The following ERLEC1 variants were observed in gnomAD, a reference collection of about 807,000 sequenced individuals.
The protein encoded by ERLEC1 is endoplasmic reticulum lectin 1, also known as ER lectin.
A neutral mutation model predicts 68.0 loss-of-function variants in ERLEC1; 47 were observed. The ratio of observed to expected loss-of-function variants is 0.69; its 90% CI spans 0.55 to 0.88. The LOEUF (loss-of-function observed/expected upper bound fraction) is 0.88, where lower values mean the gene tolerates loss of function less well. Among genes scored for constraint, ERLEC1 ranks in the 40% least tolerant of loss-of-function variants. The pLI is 0.00. For synonymous variants in ERLEC1, 225 were observed against 203.2 expected (o/e 1.11, Z -0.91); for missense variants, 567 against 583.8 (o/e 0.97, Z 0.30).
At chr2:53,798,973 G>A (rs1304800268) in intron 5 of ERLEC1, 74 bp from the exon 6 acceptor site, 1 of 1,289,728 alleles carries the variant, frequency 7.8e-7, no homozygotes, top group South Asian at 1.3e-5. Flanking sequence ...AGGTTACAAA[G>A]GTGGTTGAAA....
At chr2:53,795,423 C>G (rs140339624) in intron 2 of ERLEC1, among the ~76,000 whole-genome samples, 21 of 152,174 alleles carry the variant, frequency 1.4e-4, no homozygotes, top group African/African-American at 5.1e-4. Context: ...AAATCAAAGA[C>G]CACTGTTTTA....
At chr2:53,815,953 C>T (rs1676853970) in intron 13 of ERLEC1, among the ~76,000 whole-genome samples, 1 of 152,202 alleles carries the variant, frequency 6.6e-6, no homozygotes, top group South Asian at 2.1e-4. Flanking sequence ...TTGTATTGCA[C>T]ATATTTTTTT....
chr2:53,792,188 A>T (rs1675443772), intron 1 of ERLEC1, among the ~76,000 whole-genome samples: 1 of 146,634 alleles, frequency 6.8e-6, no homozygotes, highest in African/African-American at 2.5e-5. Context: ...AAGTGCTGGG[A>T]TTACCGGCGT....
intron 1 of ERLEC1, among the ~76,000 whole-genome samples, chr2:53,791,905 TTAAAAAA>T (rs1243618256): frequency 5.7e-5 from 7 of 123,368 alleles, no homozygotes; most frequent in Middle Eastern, 3.8e-3. Context: ...TAATGCTCTT[TTAAAAAA>T]AAAAAAAAAA....
Position 53,787,116 on chromosome 2 carries a change from A to T in ERLEC1, c.-95A>T. On this transcript the variant is annotated 5_prime_UTR_variant, in exon 1 of 14. Coordinates refer to ENST00000185150, the MANE Select transcript of ERLEC1 (RefSeq NM_015701.5). ...GGCCGGTGATACCCGGGCGCTTTAT[A>T]GTCCCGCCGCCTCCTCCTCCACCTC... The T allele has an allele frequency of 7.3e-7, 1 of 1,361,242 alleles. No homozygotes were observed. Among genetic ancestry groups the T allele is most frequent in the Non-Finnish European group, 9.6e-7 (1 of 1,043,178 alleles). 84.3% of individuals were successfully genotyped at this position (1,361,242 alleles called of 1,614,324 possible).
At chr2:53,804,401 G>A (rs1676169686) in intron 8 of ERLEC1, among the ~76,000 whole-genome samples, 1 of 152,056 alleles carries the variant, frequency 6.6e-6, no homozygotes, top group African/African-American at 2.4e-5. Flanking sequence ...GGCCTCCTGA[G>A]TAGCTGGGAC....
Position 53,801,485 on chromosome 2 carries a change from G to T in ERLEC1, c.614G>T (p.Arg205Leu), listed in dbSNP as rs553192474. ...NGTPCSLKQN[R>L]PRSSTVMYIC... ...ACACCTTGTAGTTTGAAACAGAACC[G>T]GCCCAGATCAAGTACTGTGATGTAC... is the stretch of plus-strand genomic sequence containing the variant. The change falls in exon 7 of 14, where the codon CGG becomes CTG. Residue 205 changes from arginine to leucine, a missense_variant. Physicochemically the swap from Arg to Leu is moderately radical, Grantham distance 102. Transcript: ENST00000185150. 1.4e-5 allele frequency: 22 copies of T among 1,613,768 alleles called. No homozygotes were observed. The highest frequency in any genetic ancestry group is 1.7e-5 in the Non-Finnish European group (20 of 1,179,946).
rs1283806698 is a variant in ERLEC1, at chr2:53,797,593, G to A, written c.426+1G>A. ...CCATGAAGAGAAAGAAACTGGTCAG[G>A]TGTGTTTTTCTTCAAAATATTATTA... On this transcript the variant is annotated splice_donor_variant, in intron 4 of 13. Coordinates refer to ENST00000185150, the MANE Select transcript of ERLEC1 (RefSeq NM_015701.5). LOFTEE classifies it high-confidence loss of function. 6.2e-7 allele frequency: 1 copy of A among 1,608,818 alleles called. No individual in the cohort carries two copies. The highest frequency in any genetic ancestry group is 1.1e-5 in the South Asian group (1 of 89,404).
rs139030831 is a variant in ERLEC1 at position 53,811,974 on chromosome 2, A to G, written c.1102-975A>G. Among the ~76,000 whole-genome samples, 1,241 of 152,120 alleles carry G rather than the reference A, an allele frequency of 8.2e-3. 16 individuals are homozygous for G. The highest frequency in any genetic ancestry group is 0.026 in the African/African-American group (1,073 of 41,500). On this transcript the variant is annotated intron_variant, in intron 10 of 13. Transcript: ENST00000185150. Reference sequence around the variant, plus strand: ...CTCTTATTGCTCAGGCTGGAGTGCAATGGCGCAATCTTGGCTCACTGCAAC... The same window carrying G: ...CTCTTATTGCTCAGGCTGGAGTGCAGTGGCGCAATCTTGGCTCACTGCAAC...
At chr2:53,791,229 C>T (rs1675375993) in intron 1 of ERLEC1, among the ~76,000 whole-genome samples, 1 of 152,212 alleles carries the variant, frequency 6.6e-6, no homozygotes, top group Non-Finnish European at 1.5e-5. Flanking sequence ...TAAAGTACCC[C>T]AGCACCTCTG....
chr2:53,810,305 A>T (rs2104329845), intron 10 of ERLEC1, among the ~76,000 whole-genome samples: 1 of 152,278 alleles, frequency 6.6e-6, no homozygotes, highest in Admixed American at 6.5e-5. Context: ...CCCCATCTCT[A>T]CAAAAAATTT....
At chr2:53,816,377 C>A (rs1359978352) in intron 13 of ERLEC1, among the ~76,000 whole-genome samples, 2 of 151,148 alleles carry the variant, frequency 1.3e-5, no homozygotes, top group Non-Finnish European at 2.9e-5. Flanking sequence ...AGCGATTGTC[C>A]TGCCTCAGCC....
At chr2:53,804,568 G>C (rs767955258) in intron 8 of ERLEC1, among the ~76,000 whole-genome samples, 1 of 152,078 alleles carries the variant, frequency 6.6e-6, no homozygotes, top group Non-Finnish European at 1.5e-5. Flanking sequence ...GAGCCACCAC[G>C]TGTGGCCGGG....
intron 1 of ERLEC1, among the ~76,000 whole-genome samples, chr2:53,789,194 G>A (rs920634772): frequency 6.6e-6 from 1 of 151,930 alleles, no homozygotes; most frequent in Non-Finnish European, 1.5e-5. Context: ...AGGAATTCAA[G>A]ACAAGCCTGA....
At chr2:53,814,985 A>AT (rs747443760) in intron 13 of ERLEC1, 50 bp downstream of exon 13, 603 of 966,534 alleles carry the variant, frequency 6.2e-4, no homozygotes, top group South Asian at 2.1e-3. Context: ...CCATGTTTTA[A>AT]TTTTTTTTTC....
At chr2:53,812,916 C>G (rs1193844170) in intron 10 of ERLEC1, 33 bp from the exon 11 acceptor site, 1 of 1,596,452 alleles carries the variant, frequency 6.3e-7, no homozygotes, top group Non-Finnish European at 8.5e-7. Context: ...TGATATCAAG[C>G]ACGCATTATC....
chr2:53,799,242 T>G (rs1675880565), intron 6 of ERLEC1, among the ~76,000 whole-genome samples, 161 bp downstream of exon 6: 1 of 152,208 alleles, frequency 6.6e-6, no homozygotes, highest in Non-Finnish European at 1.5e-5. Context: ...TATTCCTTTT[T>G]TCCGAGAAAA....
chr2:53,813,880 C>A (rs1447037577), intron 11 of ERLEC1, among the ~76,000 whole-genome samples: 1 of 151,840 alleles, frequency 6.6e-6, no homozygotes, highest in Middle Eastern at 3.2e-3. Flanking sequence ...TGCTGGTGTG[C>A]TGCACCCATT....
chr2:53,804,335 G>T (rs565468102), intron 8 of ERLEC1, among the ~76,000 whole-genome samples: 106 of 151,986 alleles, frequency 7.0e-4, no homozygotes, highest in Admixed American at 3.5e-3. Context: ...TCACTGTGGC[G>T]CAATCTTGGC....
Sources: gnomAD v4.1 joint callset for allele counts (sites outside exome capture counted in the v4.1 genomes callset) on GRCh38, gnomAD v4.1.1 for gene constraint, MANE v1.5 for transcripts, NCBI Gene and HGNC (gene_info 2026-07-23, HGNC 2026-07-21) for gene names.